BCL7C: variants seen among roughly 807,000 people sequenced by gnomAD.
The protein encoded by BCL7C is BAF chromatin remodeling complex subunit BCL7C.
Under a neutral mutation model 26.2 loss-of-function variants are expected in BCL7C, and 8 were observed. The observed-to-expected ratio is 0.30, with a 90% CI of 0.18 to 0.55. The LOEUF (loss-of-function observed/expected upper bound fraction) is 0.55, where lower values mean the gene tolerates loss of function less well. BCL7C is among the 20% of genes least tolerant of loss of function. The pLI, the probability that BCL7C is intolerant of heterozygous loss-of-function variation, is 0.93. For synonymous variants in BCL7C, 90 were observed against 116.5 expected, an observed-to-expected ratio of 0.77 and a Z score of 1.47; for missense variants, 262 against 298.5, an observed-to-expected ratio of 0.88 and a Z score of 0.90.
chr16:30,857,746 G>A (rs1190187739), intron 5 of BCL7C, among the ~76,000 whole-genome samples: 2 of 151,990 alleles, frequency 1.3e-5, no homozygotes, highest in African/African-American at 4.8e-5. Flanking sequence ...CAAGGCGGGT[G>A]GATCACCTGA....
chr16:30,881,146 C>T (rs1024674140), intron 5 of BCL7C, among the ~76,000 whole-genome samples: 18 of 152,110 alleles, frequency 1.2e-4, no homozygotes, highest in African/African-American at 4.3e-4. Flanking sequence ...CCTGTAATCC[C>T]AGCACTTTGC....
intron 5 of BCL7C, among the ~76,000 whole-genome samples, chr16:30,849,222 G>T (rs4889528): frequency 0.97 from 147,608 of 152,082 alleles, 71,762 homozygotes; most frequent in Middle Eastern, 1. Flanking sequence ...GTAGAGTATT[G>T]AAATCTCTGC....
intron 5 of BCL7C, among the ~76,000 whole-genome samples, chr16:30,862,663 A>C (rs1245082318): frequency 6.6e-6 from 1 of 152,056 alleles, no homozygotes; most frequent in Non-Finnish European, 1.5e-5. Flanking sequence ...AATTCTTCAT[A>C]AAAACACACG....
At chr16:30,866,798 A>C (rs973932330) in intron 5 of BCL7C, among the ~76,000 whole-genome samples, 1 of 152,158 alleles carries the variant, frequency 6.6e-6, no homozygotes, top group African/African-American at 2.4e-5. Context: ...TCATGCCTGT[A>C]ATGCCAGCAC....
rs1203431321 is a variant in BCL7C, at chr16:30,851,820, G to A, written c.529-16672C>T. The A allele has an allele frequency of 9.8e-5, 27 of 275,174 alleles. No individual in the cohort carries two copies. The Admixed American group carries it at 1.3e-3, about 13-fold the overall frequency. The allele number at this position is 275,174 out of a possible 1,614,324, so 17.0% of individuals were successfully genotyped here. A position where few individuals can be genotyped will look rare whatever the true frequency, so the allele number is the denominator to read the frequency against. On this transcript the variant is annotated intron_variant, in intron 5 of 5. Transcript: ENST00000380317. Reference sequence around the variant, plus strand: ...GCTTCTCAGTACAGCCACAGAGCTGGTTGTTGCCGGTTGTCATATAAAATC... The same window carrying A: ...GCTTCTCAGTACAGCCACAGAGCTGATTGTTGCCGGTTGTCATATAAAATC...
chr16:30,834,815 G>A lies in BCL7C; in HGVS notation c.*133C>T. ...TGGCCTTAGGTTCGGGCAGGTGTGG[G>A]GCCGCTCGCCCTCCGATGTTACCGC... On this transcript the variant is annotated 3_prime_UTR_variant, in exon 6 of 6. Transcript: ENST00000380317. This position sits in a 1 kb window ranked among gnomAD's most constrained non-coding sequence, Gnocchi z 4.3. The A allele has an allele frequency of 3.3e-6, 3 of 913,166 alleles. No homozygotes were observed. The highest frequency in any genetic ancestry group is 1.6e-6 in the Non-Finnish European group (1 of 625,476). The allele number at this position is 913,166 out of a possible 1,614,324, so 56.6% of individuals were successfully genotyped here.
Position 30,887,839 on chromosome 16 carries a change from G to T in BCL7C, c.*26C>A, listed in dbSNP as rs1276506025. ...TGTAAAAAGCCAAAGGGGCCCCTGG[G>T]GCAACAGGACAGGCAGGCCGGCTTC... On this transcript the variant is annotated 3_prime_UTR_variant, in exon 6 of 6. Coordinates refer to ENST00000215115, the MANE Select transcript of BCL7C (RefSeq NM_004765.4). The T allele has an allele frequency of 1.1e-5, 17 of 1,542,436 alleles. No homozygotes were observed. The highest frequency in any genetic ancestry group is 1.5e-5 in the Non-Finnish European group (17 of 1,151,964).
intron 5 of BCL7C, among the ~76,000 whole-genome samples, chr16:30,867,661 C>T (rs1293897473): frequency 2.6e-5 from 4 of 152,034 alleles, no homozygotes; most frequent in Non-Finnish European, 5.9e-5. Flanking sequence ...GGCGTGGTGG[C>T]GCATGCCTGT....
Position 30,850,823 on chromosome 16 carries a change from T to C in BCL7C, c.529-15675A>G, listed in dbSNP as rs184604096. 2.6e-5 allele frequency among the ~76,000 whole-genome samples: 4 copies of C among 152,312 alleles called. No individual in the cohort carries two copies. The East Asian group carries it at 7.7e-4, about 29-fold the overall frequency. On this transcript the variant is annotated intron_variant, in intron 5 of 5. Coordinates refer to the BCL7C transcript ENST00000380317. ...GTGAATGTGAAGGCCTGGGACATTATGGTACACCACTGTAGGCTTTATGAA... is the reference window on the plus strand; with the variant it reads ...GTGAATGTGAAGGCCTGGGACATTACGGTACACCACTGTAGGCTTTATGAA...
downstream of BCL7C, among the ~76,000 whole-genome samples, chr16:30,884,953 C>A (rs367913630): frequency 6.6e-6 from 1 of 152,166 alleles, no homozygotes; most frequent in African/African-American, 2.4e-5. Flanking sequence ...AAGGGACTTT[C>A]CCATTTACAG....
intron 5 of BCL7C, among the ~76,000 whole-genome samples, chr16:30,869,085 C>T (rs561809634): frequency 2.0e-5 from 3 of 151,876 alleles, no homozygotes; most frequent in African/African-American, 7.2e-5. Context: ...TGTGAGTCGA[C>T]AGTTATGGGA....
rs1187827463 is a variant in BCL7C at position 30,879,689 on chromosome 16, C to CAAAAA, written c.528+9166_528+9170dup. Among the ~76,000 whole-genome samples, 6 of 29,390 alleles carry CAAAAA rather than the reference C, an allele frequency of 2.0e-4. 1 individual carries two copies. The highest frequency in any genetic ancestry group is 3.9e-4 in the African/African-American group (3 of 7,766). The allele number at this position is 29,390 out of a possible 152,430, so 19.3% of individuals were successfully genotyped here. Reference sequence around the variant, plus strand: ...AACACAGAGAGACTCCCCTTCTCTACAAAAAAAAAAAAAAAAAAAACTGGG... The same window carrying CAAAAA: ...AACACAGAGAGACTCCCCTTCTCTACAAAAAAAAAAAAAAAAAAAAAAAAACTGGG... On this transcript the variant is annotated intron_variant, in intron 5 of 5. Transcript: ENST00000380317.
chr16:30,877,006 A>G (rs2054959625), intron 5 of BCL7C, among the ~76,000 whole-genome samples: 1 of 152,176 alleles, frequency 6.6e-6, no homozygotes, highest in African/African-American at 2.4e-5. Flanking sequence ...AGGTGAGCAG[A>G]GGCCAAGGCT....
chr16:30,851,063 T>C (rs2151363933), intron 5 of BCL7C, among the ~76,000 whole-genome samples: 1 of 152,312 alleles, frequency 6.6e-6, no homozygotes, highest in South Asian at 2.1e-4. Context: ...AGTTTGTTTA[T>C]TCCTGTAGCG....
chr16:30,835,230 G>GTCCAACA, intron 5 of BCL7C: 1 of 1,282,996 alleles, frequency 7.8e-7, no homozygotes. Flanking sequence ...TCCCATTTAT[G>GTCCAACA]ACTTCCAAAT....
intron 5 of BCL7C, among the ~76,000 whole-genome samples, chr16:30,861,071 C>T (rs1369973766): frequency 6.6e-6 from 1 of 152,122 alleles, no homozygotes; most frequent in Non-Finnish European, 1.5e-5. Flanking sequence ...CTTTTTCTGA[C>T]CTCTCCCAAA....
At chr16:30,844,507 G>A (rs1277279930) in intron 5 of BCL7C, among the ~76,000 whole-genome samples, 2 of 152,158 alleles carry the variant, frequency 1.3e-5, no homozygotes, top group Admixed American at 1.3e-4. Flanking sequence ...CATTCTCCGA[G>A]ATCCATCTGA....
chr16:30,885,469 G>A (rs1444938134), downstream of BCL7C, among the ~76,000 whole-genome samples: 2 of 151,314 alleles, frequency 1.3e-5, no homozygotes, highest in Non-Finnish European at 2.9e-5. Context: ...GAGTATAGTG[G>A]TGCGATCTCG....
At chr16:30,841,809 G>C (rs1398027942) in intron 5 of BCL7C, among the ~76,000 whole-genome samples, 3 of 151,910 alleles carry the variant, frequency 2.0e-5, no homozygotes, top group Non-Finnish European at 2.9e-5. Flanking sequence ...CAAAAAATTA[G>C]CCAGGCGTGG....
Sources: allele counts gnomAD v4.1 joint callset (sites outside exome capture counted in the v4.1 genomes callset), GRCh38; gene constraint gnomAD v4.1.1; non-coding constraint Gnocchi (gnomAD v3.1); transcripts MANE v1.5; gene names NCBI Gene and HGNC (gene_info 2026-07-23, HGNC 2026-07-21).